The following CCDC170 variants were observed in gnomAD, a reference collection of about 807,000 sequenced individuals.
CCDC170 encodes coiled-coil domain containing 170, also known as coiled-coil domain-containing protein 170.
CCDC170 carries 69 observed loss-of-function variants against 72.6 expected under a neutral mutation model. That is an observed-to-expected ratio of 0.95 (90% CI 0.78 to 1.16). The LOEUF is 1.16. Among genes scored for constraint, CCDC170 ranks in the 50% most tolerant of loss-of-function variants. CCDC170 has a pLI of 0.00. For missense variants in CCDC170, 852 were observed against 832.5 expected, an observed-to-expected ratio of 1.02 and a Z score of -0.29; for synonymous variants, 300 against 303.9, an observed-to-expected ratio of 0.99 and a Z score of 0.13.
chr6:151,526,196 C>T (rs1486783713), intron 1 of CCDC170, among the ~76,000 whole-genome samples: 4 of 147,366 alleles, frequency 2.7e-5, no homozygotes, highest in Non-Finnish European at 6.0e-5. Flanking sequence ...CTCTCTCTTT[C>T]TTTCTTTCAT....
chr6:151,602,802 CTT>C (rs756217308), intron 9 of CCDC170, among the ~76,000 whole-genome samples: 21 of 141,212 alleles, frequency 1.5e-4, no homozygotes, highest in Admixed American at 1.4e-4. Flanking sequence ...ATATTTCTTT[CTT>C]TTTTTTTTTT....
intron 1 of CCDC170, among the ~76,000 whole-genome samples, chr6:151,525,724 A>C (rs1432558707): frequency 6.6e-6 from 1 of 152,174 alleles, no homozygotes; most frequent in African/African-American, 2.4e-5. Flanking sequence ...TATTGCTCAC[A>C]CAAAGCCTGT....
At position 151,502,755 on chromosome 6, in the gene CCDC170, T is replaced by G. The variant is rs544298481; in HGVS notation, c.57+8570T>G. ...ATTAGTCACCCACTTGACAAACATTTATTGAGTCTTAGGCACTCTGTTAGG... is the reference window on the plus strand; with the variant it reads ...ATTAGTCACCCACTTGACAAACATTGATTGAGTCTTAGGCACTCTGTTAGG... On this transcript the variant is annotated intron_variant, in intron 1 of 10. Transcript: ENST00000239374. Among the ~76,000 whole-genome samples, 311 of 152,314 alleles carry G rather than the reference T, an allele frequency of 2.0e-3. 1 individual carries two copies. The highest frequency in any genetic ancestry group is 3.3e-3 in the Non-Finnish European group (227 of 68,014).
intron 3 of CCDC170, 127 bp downstream of exon 3, chr6:151,538,428 G>T (rs1782628779): frequency 1.1e-6 from 1 of 927,926 alleles, no homozygotes; most frequent in Non-Finnish European, 1.6e-6. Flanking sequence ...TTGAAAAAAA[G>T]TTATTGACCT....
At chr6:151,617,301 C>A (rs760923334) in intron 10 of CCDC170, among the ~76,000 whole-genome samples, 1 of 152,074 alleles carries the variant, frequency 6.6e-6, no homozygotes, top group Admixed American at 6.5e-5. Context: ...AGTCCCAGAG[C>A]AGTCCCATGG....
At chr6:151,591,706 A>G (rs940350111) in intron 7 of CCDC170, among the ~76,000 whole-genome samples, 3 of 152,074 alleles carry the variant, frequency 2.0e-5, no homozygotes, top group African/African-American at 4.8e-5. Flanking sequence ...TGTGTTAGCC[A>G]GCATGGTCTC....
At position 151,620,319 on chromosome 6, in the gene CCDC170, G is replaced by C. The variant is rs1191546524; in HGVS notation, c.*2172G>C. 6.6e-6 allele frequency: 1 copy of C among 152,218 alleles called. No individual in the cohort carries two copies. The highest frequency in any genetic ancestry group is 1.5e-5 in the Non-Finnish European group (1 of 68,060). 9.4% of individuals were successfully genotyped at this position (152,218 alleles called of 1,614,324 possible). A position where few individuals can be genotyped will look rare whatever the true frequency, so the allele number is the denominator to read the frequency against. ...GGGAGAGTGACCAGGCTTTGCTTGT[G>C]GAGCGGGCATCCCTGCCTAGCTATC... On this transcript the variant is annotated 3_prime_UTR_variant, in exon 11 of 11. Coordinates refer to ENST00000239374, the MANE Select transcript of CCDC170 (RefSeq NM_025059.4).
At chr6:151,496,789 AAAC>A (rs1781917660) in intron 1 of CCDC170, among the ~76,000 whole-genome samples, 1 of 152,264 alleles carries the variant, frequency 6.6e-6, no homozygotes, top group South Asian at 2.1e-4. Flanking sequence ...ATCTTGGTCA[AAAC>A]AATTAATGTA....
intron 1 of CCDC170, among the ~76,000 whole-genome samples, chr6:151,496,794 A>G (rs1781917735): frequency 6.6e-6 from 1 of 152,258 alleles, no homozygotes; most frequent in African/African-American, 2.4e-5. Flanking sequence ...GGTCAAAACA[A>G]TTAATGTATC....
intron 6 of CCDC170, among the ~76,000 whole-genome samples, chr6:151,583,165 G>A (rs1429874360): frequency 6.6e-6 from 1 of 151,474 alleles, no homozygotes. Context: ...GCTAATTTTT[G>A]TATTTTTAGT....
At chr6:151,511,197 A>G (rs1041079333) in intron 1 of CCDC170, among the ~76,000 whole-genome samples, 1 of 152,196 alleles carries the variant, frequency 6.6e-6, no homozygotes, top group Admixed American at 6.5e-5. Flanking sequence ...GTTTTTGTCT[A>G]GCGAGGGCTA....
intron 1 of CCDC170, among the ~76,000 whole-genome samples, chr6:151,499,564 AT>A (rs1328387999): frequency 7.8e-6 from 1 of 127,768 alleles, no homozygotes; most frequent in African/African-American, 3.4e-5. Flanking sequence ...ATCATACTGT[AT>A]TTGACTATTC....
chr6:151,604,888 T>A (rs550729852), intron 9 of CCDC170, among the ~76,000 whole-genome samples: 1 of 152,224 alleles, frequency 6.6e-6, no homozygotes, highest in Non-Finnish European at 1.5e-5. Context: ...TATCATTTAT[T>A]TTAGTTGGAA....
intron 1 of CCDC170, among the ~76,000 whole-genome samples, chr6:151,507,402 T>C (rs1365415310): frequency 6.6e-6 from 1 of 152,208 alleles, no homozygotes; most frequent in African/African-American, 2.4e-5. Context: ...AAATTTACCA[T>C]GGGTTTATGA....
chr6:151,578,914 G>A (rs887089040), intron 6 of CCDC170, among the ~76,000 whole-genome samples: 2 of 152,104 alleles, frequency 1.3e-5, no homozygotes, highest in Non-Finnish European at 1.5e-5. Context: ...GGACAAAATT[G>A]TCTCTCTGGT....
rs4870034 is a variant in CCDC170 at position 151,538,179 on chromosome 6, A to G, written c.321A>G (p.Glu107=). The G allele has an allele frequency of 0.69, 1,106,427 of 1,613,478 alleles. 385,630 individuals carry two copies. Among genetic ancestry groups the G allele is most frequent in the Admixed American group, 0.77 (46,218 of 59,988 alleles). Reference sequence around the variant, plus strand: ...CCTCTTTGAGAGACAGAGTTCAGGAACTAGAAGAAGAATCAGCAGCACTTT... The same window carrying G: ...CCTCTTTGAGAGACAGAGTTCAGGAGCTAGAAGAAGAATCAGCAGCACTTT... ...LLTSLRDRVQ[E]LEEESAALST... The change falls in exon 3 of 11, where the codon GAA becomes GAG. Residue 107 remains glutamate, a synonymous_variant. Coordinates refer to ENST00000239374, the MANE Select transcript of CCDC170 (RefSeq NM_025059.4).
chr6:151,564,939 C>G (rs1776106638), intron 5 of CCDC170, among the ~76,000 whole-genome samples: 1 of 151,998 alleles, frequency 6.6e-6, no homozygotes, highest in South Asian at 2.1e-4. Context: ...GCAGTGGGGC[C>G]CTGCTGCTGG....
Position 151,536,326 on chromosome 6 carries a change from C to T in CCDC170, c.66C>T (p.Tyr22=), listed in dbSNP as rs757356687. ...TGGGGGAATTCTACCAGGAAACTTA[C>T]GATCATCTTTCGGAAGTCCCGGTCA... The part of the protein sequence containing the change: ...GAASPAPEET[Y]DHLSEVPVTR... The change falls in exon 2 of 11, where the codon TAC becomes TAT. Residue 22 remains tyrosine (Y), a synonymous_variant. Transcript: ENST00000239374. The T allele has an allele frequency of 6.2e-6, 10 of 1,613,370 alleles. No homozygotes were observed. Among genetic ancestry groups the T allele is most frequent in the Admixed American group, 3.3e-5 (2 of 59,998 alleles).
chr6:151,592,252 T>A (rs1272233013), intron 7 of CCDC170, among the ~76,000 whole-genome samples: 1 of 151,946 alleles, frequency 6.6e-6, no homozygotes, highest in Non-Finnish European at 1.5e-5. Context: ...CCCAGCTACC[T>A]GGGAGGCTGA....
Sources: allele counts gnomAD v4.1 joint callset (sites outside exome capture counted in the v4.1 genomes callset), GRCh38; gene constraint gnomAD v4.1.1; transcripts MANE v1.5; gene names NCBI Gene and HGNC (gene_info 2026-07-23, HGNC 2026-07-21).